RARB: variants seen among roughly 807,000 people sequenced by gnomAD.
RARB encodes the protein retinoic acid receptor beta, also known as HBV-activated protein.
A neutral mutation model predicts 51.9 loss-of-function variants in RARB; 17 were observed. That is an observed-to-expected ratio of 0.33 (90% confidence interval 0.22 to 0.49). RARB has a LOEUF of 0.49. Ranked by LOEUF, RARB falls within the 20% of genes least tolerant of loss-of-function variation. The pLI is 0.99. For synonymous variants in RARB, 215 were observed against 195.4 expected, an observed-to-expected ratio of 1.10 and a Z score of -0.84; for missense variants, 369 against 550.8, an observed-to-expected ratio of 0.67 and a Z score of 3.30.
intron 3 of RARB, among the ~76,000 whole-genome samples, chr3:25,538,485 T>A (rs1227449985): frequency 1.3e-5 from 2 of 152,168 alleles, no homozygotes; most frequent in East Asian, 3.8e-4. Context: ...TCTTCAACAG[T>A]TTAGAGTAGT....
At position 25,206,751 on chromosome 3, in the gene RARB, C is replaced by T. The variant is rs75710212; in HGVS notation, c.178+32176C>T. Among the ~76,000 whole-genome samples, 691 of 152,264 alleles carry T rather than the reference C, an allele frequency of 4.5e-3. 8 individuals are homozygous for T. The highest frequency in any genetic ancestry group is 0.016 in the African/African-American group (646 of 41,554). ...AGGGTGAGTACTGCTTCAGTGCTAG[C>T]GTACTATGGATGCTTATTCATGCCC... On this transcript the variant is annotated intron_variant, in intron 5 of 11. Coordinates refer to the RARB transcript ENST00000383772.
chr3:25,337,062 A>G (rs1337491324), intron 5 of RARB, among the ~76,000 whole-genome samples: 1 of 152,236 alleles, frequency 6.6e-6, no homozygotes, highest in East Asian at 1.9e-4. Flanking sequence ...GCTAAACTCC[A>G]TTAGATCTCA....
intron 3 of RARB, among the ~76,000 whole-genome samples, chr3:25,065,168 G>C (rs927724935): frequency 6.6e-6 from 1 of 151,250 alleles, no homozygotes; most frequent in African/African-American, 2.4e-5. Flanking sequence ...ATTATTGTGA[G>C]ATTTTTAAAA....
In RARB at chr3:24,948,170, C is replaced by G. The variant is rs148013378; in HGVS notation, c.-380+89418C>G. Among the ~76,000 whole-genome samples, 299 of 152,306 alleles carry G rather than the reference C, an allele frequency of 2.0e-3. 4 individuals carry two copies. The highest frequency in any genetic ancestry group is 6.8e-3 in the Middle Eastern group (2 of 294). ...TGAAAGGGTCTTTGAGTAGGAAGCA[C>G]TGGCAGCCTTGAAGATCTGAAGTCT... On this transcript the variant is annotated intron_variant, in intron 2 of 11. Coordinates refer to the RARB transcript ENST00000383772.
At chr3:24,912,483 A>T (rs981052336) in intron 2 of RARB, among the ~76,000 whole-genome samples, 1 of 152,180 alleles carries the variant, frequency 6.6e-6, no homozygotes, top group African/African-American at 2.4e-5. Flanking sequence ...CAGATATAAG[A>T]TGAATTGGGT....
At chr3:24,899,246 C>A (rs1019646037) in intron 2 of RARB, among the ~76,000 whole-genome samples, 1 of 152,092 alleles carries the variant, frequency 6.6e-6, no homozygotes, top group Non-Finnish European at 1.5e-5. Flanking sequence ...CCTGTGTGAC[C>A]GCACAGATCA....
intron 1 of RARB, among the ~76,000 whole-genome samples, chr3:25,452,218 C>T (rs575433500): frequency 1.3e-5 from 2 of 152,238 alleles, no homozygotes; most frequent in South Asian, 2.1e-4. Flanking sequence ...TGATAGAAAA[C>T]GTGTTTAAAA....
At chr3:25,238,739 T>A (rs1559518441) in intron 5 of RARB, among the ~76,000 whole-genome samples, 1 of 152,120 alleles carries the variant, frequency 6.6e-6, no homozygotes, top group African/African-American at 2.4e-5. Flanking sequence ...TCCCAGTACT[T>A]TGGGAGGCCG....
At chr3:25,080,288 A>G (rs1575150975) in intron 3 of RARB, among the ~76,000 whole-genome samples, 1 of 152,238 alleles carries the variant, frequency 6.6e-6, no homozygotes, top group African/African-American at 2.4e-5. Flanking sequence ...GATGAGTAAT[A>G]TTAAATTATC....
chr3:24,963,191 T>A (rs1395691512), intron 2 of RARB, among the ~76,000 whole-genome samples: 1 of 152,042 alleles, frequency 6.6e-6, no homozygotes, highest in African/African-American at 2.4e-5. Context: ...AGTTACATAT[T>A]GATCCACAGG....
chr3:25,230,525 T>C (rs530017047), intron 5 of RARB, among the ~76,000 whole-genome samples: 2 of 152,146 alleles, frequency 1.3e-5, no homozygotes, highest in East Asian at 3.9e-4. Flanking sequence ...TTACCCCAGG[T>C]AGGTTATATT....
chr3:25,266,729 T>C (rs1334388645), intron 5 of RARB, among the ~76,000 whole-genome samples: 8 of 152,138 alleles, frequency 5.3e-5, no homozygotes, highest in African/African-American at 1.9e-4. Context: ...TGGAGACTTA[T>C]CTGATAGAAC....
chr3:25,101,490 C>T (rs558004513), intron 3 of RARB, among the ~76,000 whole-genome samples: 36 of 151,924 alleles, frequency 2.4e-4, no homozygotes, highest in African/African-American at 8.4e-4. Flanking sequence ...TTATAGATTA[C>T]TGTTTTGAAA....
At chr3:25,379,639 G>T (rs1275890941) in intron 5 of RARB, among the ~76,000 whole-genome samples, 3 of 152,184 alleles carry the variant, frequency 2.0e-5, no homozygotes, top group Non-Finnish European at 4.4e-5. Context: ...TATTTGCCTT[G>T]GAGAGGTTAG....
chr3:24,986,407 T>TC (rs1696795356), intron 2 of RARB, among the ~76,000 whole-genome samples: 1 of 152,212 alleles, frequency 6.6e-6, no homozygotes, highest in African/African-American at 2.4e-5. Flanking sequence ...AAGATAAAAA[T>TC]TATTTTAGAA....
intron 1 of RARB, among the ~76,000 whole-genome samples, chr3:25,446,205 A>G (rs1708924224): frequency 6.6e-6 from 1 of 152,270 alleles, no homozygotes; most frequent in Non-Finnish European, 1.5e-5. Context: ...TATGGCTGTC[A>G]TCCTCTGTCT....
intron 3 of RARB, among the ~76,000 whole-genome samples, chr3:25,065,490 C>T (rs1188686012): frequency 1.3e-5 from 2 of 152,140 alleles, no homozygotes; most frequent in Admixed American, 1.3e-4. Context: ...TATACTGATT[C>T]AAGCACTGTA....
chr3:25,225,615 G>T (rs577481737), intron 5 of RARB, among the ~76,000 whole-genome samples: 1 of 152,234 alleles, frequency 6.6e-6, no homozygotes, highest in African/African-American at 2.4e-5. Flanking sequence ...AGAACAGAAT[G>T]TCATGACTTG....
chr3:24,932,312 TC>T (rs1269239224), intron 2 of RARB, among the ~76,000 whole-genome samples: 1 of 151,928 alleles, frequency 6.6e-6, no homozygotes, highest in Admixed American at 6.6e-5. Context: ...CTGCTTTAGC[TC>T]CCCAGCACCA....
Sources: gnomAD v4.1 joint callset for allele counts (sites outside exome capture counted in the v4.1 genomes callset) on GRCh38, gnomAD v4.1.1 for gene constraint, MANE v1.5 for transcripts, NCBI Gene and HGNC (gene_info 2026-07-23, HGNC 2026-07-21) for gene names.